The following CARMIL1 variants were observed in gnomAD, a reference collection of about 807,000 sequenced individuals.
CARMIL1 encodes capping protein regulator and myosin 1 linker 1, also known as F-actin-uncapping protein LRRC16A.
A neutral mutation model predicts 177.1 loss-of-function variants in CARMIL1; 90 were observed. The ratio of observed to expected loss-of-function variants is 0.51; its 90% CI spans 0.43 to 0.61. The LOEUF (loss-of-function observed/expected upper bound fraction) is 0.61, where lower values mean the gene tolerates loss of function less well. Ranked by LOEUF, CARMIL1 falls within the 20% of genes least tolerant of loss-of-function variation. The probability of loss-of-function intolerance (pLI) is 0.00; values close to 1 mark genes in which losing one functional copy is unlikely to be tolerated. For missense variants in CARMIL1, 1,380 were observed against 1,667.0 expected (o/e 0.83, Z 3.00); for synonymous variants, 577 against 606.2 (o/e 0.95, Z 0.71).
intron 2 of CARMIL1, among the ~76,000 whole-genome samples, chr6:25,345,095 G>A (rs796838538): frequency 2.0e-5 from 3 of 152,098 alleles, no homozygotes; most frequent in African/African-American, 7.2e-5. Flanking sequence ...TTAACTCACC[G>A]TACTTCACTG....
chr6:25,453,067 C>T (rs768342740), intron 8 of CARMIL1, among the ~76,000 whole-genome samples: 1 of 152,082 alleles, frequency 6.6e-6, no homozygotes, highest in Non-Finnish European at 1.5e-5. Context: ...TTGAGTTATA[C>T]ATAGCTTTCA....
At chr6:25,483,097 A>C (rs540731840) in intron 12 of CARMIL1, among the ~76,000 whole-genome samples, 2 of 152,288 alleles carry the variant, frequency 1.3e-5, no homozygotes, top group South Asian at 4.1e-4. Context: ...GTATTACTTC[A>C]AGATCACATA....
At chr6:25,521,214 T>G (rs1806517349) in intron 23 of CARMIL1, among the ~76,000 whole-genome samples, 2 of 152,154 alleles carry the variant, frequency 1.3e-5, no homozygotes, top group Admixed American at 1.3e-4. Context: ...GGTTTTATGC[T>G]TCACAAGGCC....
intron 29 of CARMIL1, among the ~76,000 whole-genome samples, chr6:25,572,094 A>T (rs1358395520): frequency 2.0e-5 from 3 of 152,206 alleles, no homozygotes; most frequent in Non-Finnish European, 4.4e-5. Flanking sequence ...ATGTATGGTT[A>T]TATAGGAAAA....
At chr6:25,521,822 G>T (rs867490562) in intron 23 of CARMIL1, among the ~76,000 whole-genome samples, 8 of 151,562 alleles carry the variant, frequency 5.3e-5, no homozygotes, top group African/African-American at 1.9e-4. Context: ...AGTCAGAGTC[G>T]TAGTGGTCTG....
chr6:25,284,970 A>G, intron 2 of CARMIL1, 61 bp downstream of exon 2: 1 of 1,038,904 alleles, frequency 9.6e-7, no homozygotes, highest in Non-Finnish European at 1.5e-6. Flanking sequence ...TTCATTGTTT[A>G]GATTGCTTAA....
At position 25,556,704 on chromosome 6, in the gene CARMIL1, G is replaced by T. The variant is rs368986259; in HGVS notation, c.2596G>T (p.Asp866Tyr). 14 of 1,612,648 alleles carry T rather than the reference G, an allele frequency of 8.7e-6. No homozygotes were observed. Among genetic ancestry groups the T allele is most frequent in the African/African-American group, 1.3e-5 (1 of 74,834 alleles). Reference protein sequence around the residue: ...ALSHCHHKLADHFSRRGKTLP... With the variant: ...ALSHCHHKLAYHFSRRGKTLP... The stretch of plus-strand genomic sequence containing the variant: ...CGTACACGTCTTGACCTTCTAGGCT[G>T]ACCATTTCAGCAGACGTGGCAAGAC... Residue 866 changes from aspartate (D) to tyrosine (Y), a missense_variant, in exon 29 of 37, where the codon GAC becomes TAC. By Grantham distance (160) the Asp-to-Tyr change is radical. Coordinates refer to ENST00000329474, the MANE Select transcript of CARMIL1 (RefSeq NM_017640.6).
At chr6:25,459,267 T>TCTTTCTTTCTTTCTTTC (rs1799884909) in intron 8 of CARMIL1, among the ~76,000 whole-genome samples, 1 of 109,468 alleles carries the variant, frequency 9.1e-6, no homozygotes, top group African/African-American at 3.4e-5. Context: ...TCTTTCTTTC[T>TCTTTCTTTCTTTCTTTC]TTTTTTTTTT....
In CARMIL1 at chr6:25,547,613, G is replaced by T. The variant is rs374990870; in HGVS notation, c.2329-3297G>T. Reference sequence around the variant, plus strand: ...TGTTCCTTAGTGATTGTTTTCAGAAGTGTGCCAGGCCCTGGGGATGTAAGA... The same window carrying T: ...TGTTCCTTAGTGATTGTTTTCAGAATTGTGCCAGGCCCTGGGGATGTAAGA... On this transcript the variant is annotated intron_variant, in intron 26 of 36. Transcript: ENST00000329474. Among the ~76,000 whole-genome samples the T allele has an allele frequency of 5.9e-5, 9 of 152,270 alleles. No homozygotes were observed. In the East Asian group the frequency reaches 1.7e-3, roughly 29 times the overall value.
chr6:25,527,793 CTAA>C, intron 23 of CARMIL1: 1 of 324,256 alleles, frequency 3.1e-6, no homozygotes, highest in Non-Finnish European at 5.9e-6. Context: ...TTAATAGTTT[CTAA>C]TTGATATTAA....
At chr6:25,287,661 A>G (rs1781623384) in intron 2 of CARMIL1, 1 of 152,252 alleles carries the variant, frequency 6.6e-6, no homozygotes, top group Admixed American at 6.5e-5. Flanking sequence ...TTACATCTCC[A>G]TTTTACAGAT....
chr6:25,521,654 A>T (rs1220547917), intron 23 of CARMIL1, among the ~76,000 whole-genome samples: 1 of 151,954 alleles, frequency 6.6e-6, no homozygotes, highest in Non-Finnish European at 1.5e-5. Context: ...CTGTAGTCCC[A>T]GCTACTCGGA....
chr6:25,332,764 C>CACACACACACAT (rs1561995533), intron 2 of CARMIL1, among the ~76,000 whole-genome samples: 1 of 145,996 alleles, frequency 6.8e-6, no homozygotes, highest in Non-Finnish European at 1.5e-5. Context: ...CACACACACA[C>CACACACACACAT]ACACACACGC....
rs1810437339 is a variant in CARMIL1, at chr6:25,554,589, A to T, written c.2592+493A>T. Reference sequence around the variant, plus strand: ...TGGATATAACCAAGGTAAAAAAAAAATTTCTTCATCTAGAGACTGGTTCTG... The same window carrying T: ...TGGATATAACCAAGGTAAAAAAAAATTTTCTTCATCTAGAGACTGGTTCTG... On this transcript the variant is annotated intron_variant, in intron 28 of 36. Transcript: ENST00000329474. The surrounding 1 kb of genome is among the most constrained non-coding windows in gnomAD (Gnocchi z 4.6). Among the ~76,000 whole-genome samples, 1 of 152,090 alleles carries T rather than the reference A, an allele frequency of 6.6e-6. No individual in the cohort carries two copies. Among genetic ancestry groups the T allele is most frequent in the Non-Finnish European group, 1.5e-5 (1 of 68,010 alleles).
intron 2 of CARMIL1, among the ~76,000 whole-genome samples, chr6:25,394,632 C>G (rs985416277): frequency 6.6e-6 from 1 of 152,174 alleles, no homozygotes; most frequent in Non-Finnish European, 1.5e-5. Flanking sequence ...GTCAGGGTCT[C>G]TCCTCTCAAG....
In CARMIL1 at chr6:25,379,495, G is replaced by GA. The variant is rs200969762; in HGVS notation, c.139-40613dup. Among the ~76,000 whole-genome samples the GA allele has an allele frequency of 6.8e-3, 1,042 of 152,266 alleles. 5 individuals are homozygous for GA. The highest frequency in any genetic ancestry group is 0.02 in the South Asian group (96 of 4,824). ...AGAAGGAGGGGTTTGGGTTTGGTAG[G>GA]AAAAAACAAGATTCTTTCAGAGGAT... On this transcript the variant is annotated intron_variant, in intron 2 of 36. Transcript: ENST00000329474.
intron 34 of CARMIL1, among the ~76,000 whole-genome samples, chr6:25,605,251 CAT>C (rs1279415694): frequency 6.6e-6 from 1 of 152,180 alleles, no homozygotes; most frequent in Non-Finnish European, 1.5e-5. Flanking sequence ...CCATGCATGA[CAT>C]ATGGAAGATG....
chr6:25,584,627 C>T (rs1040908306), intron 31 of CARMIL1, among the ~76,000 whole-genome samples: 1 of 151,746 alleles, frequency 6.6e-6, no homozygotes, highest in South Asian at 2.1e-4. Context: ...TGGATAGTTA[C>T]AGAGAAGTAG....
chr6:25,570,010 G>A (rs1811927219), intron 29 of CARMIL1, among the ~76,000 whole-genome samples: 1 of 151,640 alleles, frequency 6.6e-6, no homozygotes, highest in South Asian at 2.1e-4. Context: ...GTCTCGCTCT[G>A]TGGCCCAGGC....
Sources: gnomAD v4.1 joint callset for allele counts (sites outside exome capture counted in the v4.1 genomes callset) on GRCh38, gnomAD v4.1.1 for gene constraint, Gnocchi (gnomAD v3.1) non-coding constraint, MANE v1.5 for transcripts, NCBI Gene and HGNC (gene_info 2026-07-23, HGNC 2026-07-21) for gene names.